MALRD1: variants seen among roughly 807,000 people sequenced by gnomAD.
MALRD1 encodes the protein MAM and LDL receptor class A domain containing 1.
In MALRD1, 247 loss-of-function variants were observed where a neutral mutation model predicts 242.1. The ratio of observed to expected loss-of-function variants is 1.02; its 90% CI spans 0.92 to 1.13. MALRD1 has a LOEUF of 1.13. MALRD1 is among the 50% of genes most tolerant of loss of function. MALRD1 has a pLI of 0.00. For synonymous variants in MALRD1, 995 were observed against 866.6 expected, an observed-to-expected ratio of 1.15 and a Z score of -2.60; for missense variants, 2,989 against 2,533.1, an observed-to-expected ratio of 1.18 and a Z score of -3.86.
chr10:19,344,832 A>C (rs1307944575), intron 24 of MALRD1, among the ~76,000 whole-genome samples: 1 of 151,922 alleles, frequency 6.6e-6, no homozygotes, highest in Non-Finnish European at 1.5e-5. Context: ...CGTGGTTTTC[A>C]GCCTACAAAT....
At chr10:19,414,086 T>C (rs1013711788) in intron 28 of MALRD1, among the ~76,000 whole-genome samples, 5 of 151,930 alleles carry the variant, frequency 3.3e-5, no homozygotes, top group Non-Finnish European at 7.4e-5. Context: ...ATGTAGTAGA[T>C]CATTTAGTAG....
rs551120537 is a variant in MALRD1, at chr10:19,247,026, C to A, written c.2992-10658C>A. ...TGTGTATAATGAGAAAGGCTGCCACCTGGTTTAGTGAAATTATGATGAAAG... is the reference window on the plus strand; with the variant it reads ...TGTGTATAATGAGAAAGGCTGCCACATGGTTTAGTGAAATTATGATGAAAG... On this transcript the variant is annotated intron_variant, in intron 18 of 39. Coordinates refer to ENST00000454679, the MANE Select transcript of MALRD1 (RefSeq NM_001142308.3). 5.9e-5 allele frequency among the ~76,000 whole-genome samples: 9 copies of A among 152,062 alleles called. 1 individual carries two copies. In the South Asian group the frequency reaches 1.7e-3, roughly 28 times the overall value.
chr10:19,103,631 C>A (rs1836358421), intron 4 of MALRD1, among the ~76,000 whole-genome samples: 1 of 151,480 alleles, frequency 6.6e-6, no homozygotes, highest in East Asian at 1.9e-4. Flanking sequence ...AGAACTGGAG[C>A]TCAGGATGGA....
At chr10:19,424,957 G>A (rs966033559) in intron 28 of MALRD1, among the ~76,000 whole-genome samples, 1 of 151,796 alleles carries the variant, frequency 6.6e-6, no homozygotes, top group African/African-American at 2.4e-5. Flanking sequence ...AAAAAATAAA[G>A]GCAACAAAGG....
At chr10:19,518,596 C>T (rs1170113298) in intron 31 of MALRD1, among the ~76,000 whole-genome samples, 2 of 152,056 alleles carry the variant, frequency 1.3e-5, no homozygotes, top group Non-Finnish European at 2.9e-5. Context: ...ACAAAATCAT[C>T]CAGATCTCTA....
intron 36 of MALRD1, among the ~76,000 whole-genome samples, chr10:19,688,509 C>A (rs1842693533): frequency 6.6e-6 from 1 of 152,128 alleles, no homozygotes; most frequent in Admixed American, 6.5e-5. Context: ...AATCCTCCCA[C>A]CTCGGTCTCC....
chr10:19,707,500 T>C (rs1833921593), intron 38 of MALRD1, among the ~76,000 whole-genome samples: 1 of 152,120 alleles, frequency 6.6e-6, no homozygotes, highest in South Asian at 2.1e-4. Context: ...TGAGAATAGA[T>C]TTTAAAAGAT....
intron 18 of MALRD1, among the ~76,000 whole-genome samples, chr10:19,234,551 A>G (rs547963805): frequency 6.6e-6 from 1 of 152,194 alleles, no homozygotes; most frequent in Admixed American, 6.5e-5. Flanking sequence ...CCTGAAATAA[A>G]TGAAACTTAA....
intron 34 of MALRD1, among the ~76,000 whole-genome samples, chr10:19,605,786 T>A (rs1838589834): frequency 6.6e-6 from 1 of 152,132 alleles, no homozygotes; most frequent in Admixed American, 6.6e-5. Flanking sequence ...GAATTTCTTT[T>A]GTTATTATTT....
intron 36 of MALRD1, among the ~76,000 whole-genome samples, chr10:19,666,904 G>A (rs185798737): frequency 5.5e-4 from 84 of 152,252 alleles, no homozygotes; most frequent in Admixed American, 1.4e-3. Flanking sequence ...CTGAGTGGAA[G>A]AGCTAGAACT....
chr10:19,258,542 C>T (rs894450907), intron 19 of MALRD1, among the ~76,000 whole-genome samples: 5 of 152,096 alleles, frequency 3.3e-5, no homozygotes, highest in Non-Finnish European at 5.9e-5. Flanking sequence ...TTGCCGAAAA[C>T]GTAACATTCA....
chr10:19,364,846 T>C (rs995707206), intron 26 of MALRD1, among the ~76,000 whole-genome samples: 1 of 152,110 alleles, frequency 6.6e-6, no homozygotes, highest in Admixed American at 6.6e-5. Context: ...AACTCTATCA[T>C]TGTTCCAAGA....
intron 13 of MALRD1, among the ~76,000 whole-genome samples, chr10:19,169,559 ATCTC>A (rs959859896): frequency 1.3e-5 from 2 of 152,060 alleles, no homozygotes; most frequent in Non-Finnish European, 2.9e-5. Context: ...TCTTCCTTGT[ATCTC>A]TCTCCATCCC....
At chr10:19,307,461 A>G (rs144905990) in intron 21 of MALRD1, among the ~76,000 whole-genome samples, 11 of 151,636 alleles carry the variant, frequency 7.3e-5, no homozygotes, top group African/African-American at 1.7e-4. Context: ...AGCTTGAGAG[A>G]TGTGAAAAAT....
At chr10:19,253,492 A>T (rs547544637) in intron 18 of MALRD1, among the ~76,000 whole-genome samples, 2 of 152,074 alleles carry the variant, frequency 1.3e-5, no homozygotes, top group South Asian at 4.1e-4. Flanking sequence ...TGGGATTCAG[A>T]GGATCAGCTC....
intron 31 of MALRD1, among the ~76,000 whole-genome samples, chr10:19,510,182 C>T (rs1163396669): frequency 6.6e-6 from 1 of 152,190 alleles, no homozygotes; most frequent in Non-Finnish European, 1.5e-5. Context: ...TCACCTCCAG[C>T]CCTAAGGCAG....
intron 39 of MALRD1, among the ~76,000 whole-genome samples, chr10:19,731,492 T>TTGTGTGTGTGTGTGTGTGTGTGTG (rs199973822): frequency 2.0e-5 from 3 of 146,900 alleles, no homozygotes; most frequent in African/African-American, 7.5e-5. Flanking sequence ...ATAGTTTACT[T>TTGTGTGTGTGTGTGTGTGTGTGTG]TGTGTGTGTG....
intron 30 of MALRD1, among the ~76,000 whole-genome samples, chr10:19,492,983 T>C (rs1837557112): frequency 6.6e-6 from 1 of 152,168 alleles, no homozygotes; most frequent in Non-Finnish European, 1.5e-5. Context: ...TTTTAAACTT[T>C]AAAAAGCTGT....
intron 19 of MALRD1, among the ~76,000 whole-genome samples, chr10:19,278,766 G>GAC (rs1227620073): frequency 6.6e-6 from 1 of 152,030 alleles, no homozygotes; most frequent in Admixed American, 6.6e-5. Flanking sequence ...GAGAAGGAAA[G>GAC]ACACACACAC....
Sources: gnomAD v4.1 joint callset for allele counts (sites outside exome capture counted in the v4.1 genomes callset) on GRCh38, gnomAD v4.1.1 for gene constraint, MANE v1.5 for transcripts, NCBI Gene and HGNC (gene_info 2026-07-23, HGNC 2026-07-21) for gene names.